Variants in P2RY12 observed in about 807,000 individuals in gnomAD.
The protein encoded by P2RY12 is P2Y purinoceptor 12.
P2RY12 carries 3 observed loss-of-function variants against 4.5 expected under a neutral mutation model. The ratio of observed to expected loss-of-function variants is 0.67; its 90% CI spans 0.31 to 1.74. The LOEUF is 1.74. Ranked by LOEUF, P2RY12 falls within the 40% of genes most tolerant of loss-of-function variation. The pLI, the probability that P2RY12 is intolerant of heterozygous loss-of-function variation, is 0.09. For missense variants in P2RY12, 356 were observed against 407.8 expected, an observed-to-expected ratio of 0.87 and a Z score of 1.09; for synonymous variants, 148 against 154.1, an observed-to-expected ratio of 0.96 and a Z score of 0.29.
intron 2 of P2RY12, among the ~76,000 whole-genome samples, chr3:151,340,381 G>A (rs1751658682): frequency 6.6e-6 from 1 of 151,996 alleles, no homozygotes; most frequent in Admixed American, 6.6e-5. Flanking sequence ...TTATTTCTAT[G>A]CTTTGTATAA....
intron 1 of P2RY12, chr3:151,378,026 G>C: frequency 1.9e-6 from 3 of 1,606,174 alleles, no homozygotes; most frequent in Non-Finnish European, 2.6e-6. Context: ...TCCGAACGCA[G>C]GGGTGTATGG....
intron 1 of P2RY12, among the ~76,000 whole-genome samples, chr3:151,343,958 T>A (rs1752222756): frequency 6.6e-6 from 1 of 152,190 alleles, no homozygotes; most frequent in Admixed American, 6.5e-5. Flanking sequence ...ATTAATATTT[T>A]GTTTGAGGGT....
intron 1 of P2RY12, among the ~76,000 whole-genome samples, chr3:151,374,030 A>AT (rs747896652): frequency 7.2e-5 from 11 of 152,186 alleles, no homozygotes; most frequent in Non-Finnish European, 1.5e-4. Context: ...GATACCTTCA[A>AT]TTCCAATCCA....
chr3:151,351,867 A>T (rs1436351492), intron 1 of P2RY12, among the ~76,000 whole-genome samples: 1 of 152,176 alleles, frequency 6.6e-6, no homozygotes, highest in East Asian at 1.9e-4. Flanking sequence ...TTAATGCCAC[A>T]CTATAGTTTG....
Position 151,351,067 on chromosome 3 carries a change from C to T in P2RY12, c.-179-10307G>A, listed in dbSNP as rs189091700. ...CTATGTAAACAACATTCTTCCTGCA[C>T]GTGGTATAAACCACCTCTAGGAGCC... On this transcript the variant is annotated intron_variant, in intron 1 of 2. Transcript: ENST00000302632. Among the ~76,000 whole-genome samples the T allele has an allele frequency of 1.9e-3, 295 of 152,252 alleles. 2 individuals carry two copies. Among genetic ancestry groups the T allele is most frequent in the Admixed American group, 0.018 (273 of 15,296 alleles).
intron 1 of P2RY12, among the ~76,000 whole-genome samples, chr3:151,342,471 C>T (rs1751983435): frequency 6.6e-6 from 1 of 152,126 alleles, no homozygotes; most frequent in African/African-American, 2.4e-5. Context: ...TGGGAACTTG[C>T]TAGAAATGCA....
intron 1 of P2RY12, among the ~76,000 whole-genome samples, chr3:151,357,653 G>T (rs1754094578): frequency 6.6e-6 from 1 of 152,134 alleles, no homozygotes; most frequent in South Asian, 2.1e-4. Context: ...GCACTCTACG[G>T]TTAATGTTGG....
At chr3:151,362,612 GCTC>G (rs892302904) in intron 1 of P2RY12, among the ~76,000 whole-genome samples, 43 of 151,978 alleles carry the variant, frequency 2.8e-4, no homozygotes, top group African/African-American at 1.0e-3. Flanking sequence ...TTATGGCCTG[GCTC>G]CTCCTTAGAA....
chr3:151,361,980 A>C (rs1193624175), intron 1 of P2RY12, among the ~76,000 whole-genome samples: 1 of 152,144 alleles, frequency 6.6e-6, no homozygotes, highest in African/African-American at 2.4e-5. Context: ...AGAAGGTAAT[A>C]GCTAAGAAAA....
At chr3:151,339,911 C>T (rs1751589543) in intron 2 of P2RY12, among the ~76,000 whole-genome samples, 1 of 151,954 alleles carries the variant, frequency 6.6e-6, no homozygotes, top group African/African-American at 2.4e-5. Context: ...ATAAAATATT[C>T]TTAATAATCA....
chr3:151,361,452 T>C (rs947581093), intron 1 of P2RY12, among the ~76,000 whole-genome samples: 1 of 152,096 alleles, frequency 6.6e-6, no homozygotes, highest in African/African-American at 2.4e-5. Flanking sequence ...ACTGAATTAA[T>C]CATAAAAAGG....
At position 151,376,768 on chromosome 3, in the gene P2RY12, CATA is replaced by C. The variant is rs745937445; in HGVS notation, c.-180+7921_-180+7923del. ...ACTGTATTTTAACACATTTGATACC[CATA>C]ATGTTTTAATTCTTTCCATTTTTCC... is the stretch of plus-strand genomic sequence containing the variant. On this transcript the variant is annotated intron_variant, in intron 1 of 2. Coordinates refer to ENST00000302632, the MANE Select transcript of P2RY12 (RefSeq NM_022788.5). 7.1e-6 allele frequency: 11 copies of C among 1,540,928 alleles called. No homozygotes were observed. The South Asian group carries it at 1.2e-4, about 17-fold the overall frequency.
At chr3:151,355,821 A>T in intron 1 of P2RY12, 1 of 1,356,594 alleles carries the variant, frequency 7.4e-7, no homozygotes, top group Non-Finnish European at 1.0e-6. Context: ...TGTCTTAAAA[A>T]GTAAAAATGA....
intron 2 of P2RY12, 64 bp from the exon 3 acceptor site, chr3:151,338,923 G>A (rs1030232393): frequency 1.3e-4 from 188 of 1,462,946 alleles, no homozygotes; most frequent in Non-Finnish European, 1.6e-4. Flanking sequence ...TGTTATCTCT[G>A]TGTGTAACTT....
Position 151,337,867 on chromosome 3 carries a change from T to C in P2RY12, c.979A>G (p.Arg327Gly). 1.2e-6 allele frequency: 2 copies of C among 1,614,156 alleles called. No homozygotes were observed. Among genetic ancestry groups the C allele is most frequent in the Non-Finnish European group, 1.7e-6 (2 of 1,179,996 alleles). Residue 327 changes from arginine to glycine, a missense_variant, in exon 3 of 3, where the codon AGG becomes GGG. Coordinates refer to ENST00000302632, the MANE Select transcript of P2RY12 (RefSeq NM_022788.5). ...TCACCACCATCCTGTTCTTTTTTCC[T>C]ATTGTCCTGGGACAGAGATGTTGCA... is the stretch of plus-strand genomic sequence containing the variant. ...NSATSLSQDN[R>G]KKEQDGGDPN...
At chr3:151,362,679 A>G (rs1225960484) in intron 1 of P2RY12, among the ~76,000 whole-genome samples, 1 of 152,026 alleles carries the variant, frequency 6.6e-6, no homozygotes, top group Non-Finnish European at 1.5e-5. Context: ...GCTACATCCC[A>G]GTGTCTTGAA....
intron 1 of P2RY12, chr3:151,355,325 T>A: frequency 1.2e-6 from 1 of 817,444 alleles, no homozygotes; most frequent in Non-Finnish European, 2.0e-6. Flanking sequence ...TTCTCAACCT[T>A]AATGGTTTTA....
chr3:151,363,110 G>T (rs1040299749), intron 1 of P2RY12, among the ~76,000 whole-genome samples: 1 of 152,040 alleles, frequency 6.6e-6, no homozygotes, highest in Admixed American at 6.6e-5. Context: ...GGGGTGTGTG[G>T]AAATTTAGGG....
intron 1 of P2RY12, among the ~76,000 whole-genome samples, chr3:151,364,211 C>T (rs562599586): frequency 6.6e-6 from 1 of 152,148 alleles, no homozygotes; most frequent in Non-Finnish European, 1.5e-5. Context: ...CTGCCAGTCT[C>T]ATTCACAGAG....
Sources: allele counts gnomAD v4.1 joint callset (sites outside exome capture counted in the v4.1 genomes callset), GRCh38; gene constraint gnomAD v4.1.1; transcripts MANE v1.5; gene names NCBI Gene and HGNC (gene_info 2026-07-23, HGNC 2026-07-21).